Variants in KCNN1 observed in about 807,000 individuals in gnomAD.
The protein encoded by KCNN1 is small conductance calcium-activated potassium channel protein 1.
In KCNN1, 20 loss-of-function variants were observed where a neutral mutation model predicts 44.7. The ratio of observed to expected loss-of-function variants is 0.45; its 90% CI spans 0.32 to 0.65. The LOEUF is 0.65. Among genes scored for constraint, KCNN1 ranks in the 30% least tolerant of loss-of-function variants. The pLI is 0.05. For synonymous variants in KCNN1, 324 were observed against 341.7 expected (o/e 0.95, Z 0.57); for missense variants, 632 against 785.3 (o/e 0.80, Z 2.33).
At chr19:17,976,912 C>T (rs537145904) in intron 3 of KCNN1, among the ~76,000 whole-genome samples, 1 of 152,074 alleles carries the variant, frequency 6.6e-6, no homozygotes, top group South Asian at 2.1e-4. Flanking sequence ...GATGGGGTTT[C>T]ACCATATTGG....
Position 17,982,056 on chromosome 19 carries a change from C to T in KCNN1, c.846C>T (p.Pro282=), listed in dbSNP as rs758891336. 5.6e-6 allele frequency: 9 copies of T among 1,608,188 alleles called. No homozygotes were observed. Among genetic ancestry groups the T allele is most frequent in the South Asian group, 1.1e-5 (1 of 89,798 alleles). ...TGAAGACACTCATGACCATCTGCCC[C>T]GGCACCGTGCTGCTGGTCTTCAGCA... The part of the protein sequence containing the change: ...FVMKTLMTIC[P]GTVLLVFSIS... Residue 282 remains proline, a synonymous_variant, in exon 4 of 10, where the codon CCC becomes CCT. Transcript: ENST00000684775.
intron 1 of KCNN1, among the ~76,000 whole-genome samples, chr19:17,971,359 G>GC (rs35857496): frequency 0.18 from 28,056 of 152,132 alleles, 2,611 homozygotes; most frequent in African/African-American, 0.2. Flanking sequence ...ATAACACTTG[G>GC]CCTCCACCCA....
At position 17,995,580 on chromosome 19, in the gene KCNN1, C is replaced by T. The variant is rs1599382620; in HGVS notation, c.1377+2021C>T. Among the ~76,000 whole-genome samples, 5 of 151,896 alleles carry T rather than the reference C, an allele frequency of 3.3e-5. No homozygotes were observed. In the East Asian group the frequency reaches 9.7e-4, roughly 29 times the overall value. ...TGACCCCTTAAAAGTCAAATATTCCCATATAACTTCTTTTTTTCTTTTTGA... is the reference window on the plus strand; with the variant it reads ...TGACCCCTTAAAAGTCAAATATTCCTATATAACTTCTTTTTTTCTTTTTGA... On this transcript the variant is annotated intron_variant, in intron 9 of 9. Transcript: ENST00000684775.
intron 4 of KCNN1, among the ~76,000 whole-genome samples, chr19:17,984,011 A>T (rs556929769): frequency 6.6e-6 from 1 of 152,058 alleles, no homozygotes; most frequent in African/African-American, 2.4e-5. Context: ...CAAAAAAAAA[A>T]AATTAGATGG....
chr19:17,995,290 C>T (rs1186100507), intron 9 of KCNN1, among the ~76,000 whole-genome samples: 1 of 151,624 alleles, frequency 6.6e-6, no homozygotes, highest in African/African-American at 2.4e-5. Context: ...CCCCCCAACT[C>T]ATCCTCTTGA....
At chr19:17,954,254 C>T (rs994781894) in intron 1 of KCNN1, among the ~76,000 whole-genome samples, 4 of 152,126 alleles carry the variant, frequency 2.6e-5, no homozygotes, top group Non-Finnish European at 5.9e-5. Flanking sequence ...GCCAGGAGTT[C>T]AAGTCCAGCC....
rs2032886126 is a variant in KCNN1 at position 17,993,792 on chromosome 19, T to C, written c.1377+233T>C. Reference sequence around the variant, plus strand: ...CAGGCGTGGTGGCGGGCGCCTTTAATCCCAGCTACTTGGGGGCTGAGGGAG... The same window carrying C: ...CAGGCGTGGTGGCGGGCGCCTTTAACCCCAGCTACTTGGGGGCTGAGGGAG... On this transcript the variant is annotated intron_variant, in intron 9 of 9. Coordinates refer to ENST00000684775, the MANE Select transcript of KCNN1 (RefSeq NM_001386974.1). The surrounding 1 kb of genome is among the most constrained non-coding windows in gnomAD (Gnocchi z 4.5). 6.6e-6 allele frequency among the ~76,000 whole-genome samples: 1 copy of C among 151,938 alleles called. No homozygotes were observed. Among genetic ancestry groups the C allele is most frequent in the Non-Finnish European group, 1.5e-5 (1 of 67,956 alleles).
At chr19:17,988,324 G>A (rs904508979) in intron 5 of KCNN1, 91 bp from the exon 6 acceptor site, 4 of 1,000,950 alleles carry the variant, frequency 4.0e-6, no homozygotes, top group East Asian at 5.2e-5. Context: ...CTGGCTCAGA[G>A]AATGGGGAGG....
chr19:17,959,170 G>A (rs140908721), intron 2 of KCNN1, among the ~76,000 whole-genome samples: 14,815 of 151,022 alleles, frequency 0.098, 850 homozygotes, highest in Admixed American at 0.15. Flanking sequence ...GATTATACGC[G>A]TGCGCCACCA....
rs2145951148 is a variant in KCNN1, at chr19:17,983,825, G to A, written c.918-1487G>A. On this transcript the variant is annotated intron_variant, in intron 4 of 9. Coordinates refer to ENST00000684775, the MANE Select transcript of KCNN1 (RefSeq NM_001386974.1). This position sits in a 1 kb window ranked among gnomAD's most constrained non-coding sequence, Gnocchi z 4.5. ...CCCCCCCGCCCCTCCTGCCCTCTGG[G>A]GGTCAGGCAGCTTGGGGCTCAGATG... is the stretch of plus-strand genomic sequence containing the variant. Among the ~76,000 whole-genome samples the A allele has an allele frequency of 6.6e-6, 1 of 152,152 alleles. No individual in the cohort carries two copies. Among genetic ancestry groups the A allele is most frequent in the African/African-American group, 2.4e-5 (1 of 41,522 alleles).
intron 9 of KCNN1, among the ~76,000 whole-genome samples, chr19:17,996,541 G>C (rs1237963033): frequency 6.6e-6 from 1 of 152,214 alleles, no homozygotes; most frequent in Non-Finnish European, 1.5e-5. Context: ...AGGAGGTGGA[G>C]GTTGCAGTGA....
At chr19:17,969,698 T>A (rs2031944734) in intron 1 of KCNN1, among the ~76,000 whole-genome samples, 1 of 152,200 alleles carries the variant, frequency 6.6e-6, no homozygotes, top group Non-Finnish European at 1.5e-5. Flanking sequence ...CGGAAGGTCG[T>A]TTGCAGAGGC....
chr19:17,981,612 GC>G, intron 3 of KCNN1, 96 bp from the exon 4 acceptor site: 3 of 1,054,632 alleles, frequency 2.8e-6, no homozygotes, highest in Non-Finnish European at 2.7e-6. Context: ...GGGGTTTCAG[GC>G]CAGGCTGACG....
At chr19:17,970,831 C>A (rs2031992418) in intron 1 of KCNN1, among the ~76,000 whole-genome samples, 1 of 151,996 alleles carries the variant, frequency 6.6e-6, no homozygotes, top group South Asian at 2.1e-4. Flanking sequence ...CATAGGTGGT[C>A]CTGCAATGTG....
intron 2 of KCNN1, among the ~76,000 whole-genome samples, chr19:17,957,795 G>C (rs2031581481): frequency 6.6e-6 from 1 of 152,224 alleles, no homozygotes; most frequent in South Asian, 2.1e-4. Context: ...CATGGTCTCA[G>C]TTAGGATTTT....
Position 17,993,399 on chromosome 19 carries a change from G to T in KCNN1, c.1308-91G>T. 1 of 913,320 alleles carries T rather than the reference G, an allele frequency of 1.1e-6. No individual in the cohort carries two copies. The highest frequency in any genetic ancestry group is 1.4e-5 in the South Asian group (1 of 70,356). 56.6% of individuals were successfully genotyped at this position (913,320 alleles called of 1,614,324 possible). A position where few individuals can be genotyped will look rare whatever the true frequency, so the allele number is the denominator to read the frequency against. ...ATCCTCTGATGCATGTCCCATAGGT[G>T]ACCCCGGGTGGGTGCATGAAAGTCC... On this transcript the variant is annotated intron_variant, in intron 8 of 9. Coordinates refer to ENST00000684775, the MANE Select transcript of KCNN1 (RefSeq NM_001386974.1). The surrounding 1 kb of genome is among the most constrained non-coding windows in gnomAD (Gnocchi z 4.5).
intron 3 of KCNN1, among the ~76,000 whole-genome samples, chr19:17,980,188 C>G (rs1264913769): frequency 2.1e-5 from 3 of 144,240 alleles, no homozygotes; most frequent in African/African-American, 7.7e-5. Context: ...GTCAGCCTCT[C>G]AAGGCTGAGA....
chr19:17,969,774 C>T (rs1047654665), intron 1 of KCNN1, among the ~76,000 whole-genome samples: 5 of 152,234 alleles, frequency 3.3e-5, no homozygotes, highest in Non-Finnish European at 7.3e-5. Context: ...CCCTGTGCCC[C>T]CCATCCCCAG....
chr19:17,970,944 C>T (rs1248317809), intron 1 of KCNN1, among the ~76,000 whole-genome samples: 2 of 150,920 alleles, frequency 1.3e-5, no homozygotes, highest in Non-Finnish European at 2.9e-5. Flanking sequence ...AGTGCAGTGG[C>T]GTGATCTCAG....
Sources: allele counts gnomAD v4.1 joint callset (sites outside exome capture counted in the v4.1 genomes callset), GRCh38; gene constraint gnomAD v4.1.1; non-coding constraint Gnocchi (gnomAD v3.1); transcripts MANE v1.5; gene names NCBI Gene and HGNC (gene_info 2026-07-23, HGNC 2026-07-21).